Variants in ABI1 observed in about 807,000 individuals in gnomAD.
ABI1 encodes Abelson interactor 1.
Under a neutral mutation model 54.6 loss-of-function variants are expected in ABI1, and 14 were observed. The ratio of observed to expected loss-of-function variants is 0.26; its 90% CI spans 0.17 to 0.40. The LOEUF (loss-of-function observed/expected upper bound fraction) is 0.40, where lower values mean the gene tolerates loss of function less well. Among genes scored for constraint, ABI1 ranks in the 10% least tolerant of loss-of-function variants. The pLI, the probability that ABI1 is intolerant of heterozygous loss-of-function variation, is 1.00. For synonymous variants in ABI1, 194 were observed against 209.3 expected (o/e 0.93, Z 0.63); for missense variants, 443 against 598.3 (o/e 0.74, Z 2.71).
chr10:26,782,931 A>G (rs1398055253), intron 2 of ABI1, among the ~76,000 whole-genome samples: 1 of 152,204 alleles, frequency 6.6e-6, no homozygotes, highest in East Asian at 1.9e-4. Flanking sequence ...GTGATTCCTC[A>G]CAAAATTAAA....
rs748104171 is a variant in ABI1 at position 26,755,715 on chromosome 10, T to C, written c.1024A>G (p.Met342Val). 4.6e-5 allele frequency: 74 copies of C among 1,612,594 alleles called. No individual in the cohort carries two copies. The highest frequency in any genetic ancestry group is 1.2e-4 in the African/African-American group (9 of 74,718). The change falls in exon 9 of 11, where the codon ATG (methionine) becomes GTG (valine). Residue 342 changes from methionine (M) to valine (V), a missense_variant. By Grantham distance (21) the Met-to-Val change is conservative (BLOSUM62 1). Around this residue, in one of 2 missense-constraint regions of ABI1, gnomAD observed 394 missense variants for 484.8 expected, o/e 0.81. Transcript: ENST00000376140. ...GGTATCTGTGGAGTCAACTGAGGCA[T>C]AGGGGGAGGGGGTGGAGCAATAGAA... ...SISIAPPPPP[M>V]PQLTPQIPLT...
At chr10:26,808,065 C>G (rs560162350) in intron 2 of ABI1, among the ~76,000 whole-genome samples, 4 of 152,136 alleles carry the variant, frequency 2.6e-5, no homozygotes, top group Non-Finnish European at 5.9e-5. Context: ...GCACTCCAGC[C>G]TGGGCGTCAC....
Position 26,813,678 on chromosome 10 carries a change from G to A in ABI1, c.285+9460C>T, listed in dbSNP as rs773023583. On this transcript the variant is annotated intron_variant, in intron 2 of 10. Coordinates refer to ENST00000376140, the MANE Select transcript of ABI1 (RefSeq NM_001012750.3). ...TCAACCCAAACAACAAATCACAACA[G>A]AGTGAATGAAGAAGCAGACATGAGA... Among the ~76,000 whole-genome samples the A allele has an allele frequency of 3.9e-5, 6 of 151,940 alleles. 1 individual carries two copies. The highest frequency in any genetic ancestry group is 3.4e-3 in the Middle Eastern group (1 of 294).
intron 1 of ABI1, among the ~76,000 whole-genome samples, chr10:26,828,100 G>A (rs922514409): frequency 1.3e-5 from 2 of 152,124 alleles, no homozygotes; most frequent in African/African-American, 4.8e-5. Context: ...TCTTTCACTT[G>A]AACACTTAGA....
intron 1 of ABI1, among the ~76,000 whole-genome samples, chr10:26,823,842 C>G (rs1379607615): frequency 6.6e-6 from 1 of 152,048 alleles, no homozygotes; most frequent in Non-Finnish European, 1.5e-5. Flanking sequence ...CTATAGATAA[C>G]TCAGAAGGCA....
At chr10:26,785,092 T>TA (rs1160645868) in intron 2 of ABI1, among the ~76,000 whole-genome samples, 1 of 152,192 alleles carries the variant, frequency 6.6e-6, no homozygotes, top group Non-Finnish European at 1.5e-5. Flanking sequence ...ACAGTAACTG[T>TA]AATGAAATGT....
chr10:26,829,086 C>T (rs1415092490), intron 1 of ABI1, among the ~76,000 whole-genome samples: 2 of 152,084 alleles, frequency 1.3e-5, no homozygotes, highest in South Asian at 2.1e-4. Context: ...ATTAGCCGGG[C>T]GCAGTGGCAG....
intron 2 of ABI1, among the ~76,000 whole-genome samples, chr10:26,788,450 CT>C (rs1215045209): frequency 6.6e-6 from 1 of 152,172 alleles, no homozygotes; most frequent in Non-Finnish European, 1.5e-5. Context: ...CAATCTACAA[CT>C]CTGCAATTAA....
At chr10:26,846,681 C>CA (rs1010621608) in intron 1 of ABI1, among the ~76,000 whole-genome samples, 20 of 150,400 alleles carry the variant, frequency 1.3e-4, no homozygotes, top group East Asian at 3.9e-4. Flanking sequence ...CAGCCTCAGA[C>CA]AAAAAAAAAG....
intron 2 of ABI1, among the ~76,000 whole-genome samples, chr10:26,802,249 A>T (rs1219370933): frequency 2.0e-5 from 3 of 152,246 alleles, no homozygotes; most frequent in Admixed American, 6.5e-5. Context: ...TTTAAATGCC[A>T]TTAAAAGTAA....
At chr10:26,794,070 C>T (rs1843803551) in intron 2 of ABI1, among the ~76,000 whole-genome samples, 1 of 152,022 alleles carries the variant, frequency 6.6e-6, no homozygotes, top group Admixed American at 6.6e-5. Flanking sequence ...TGGTGAAACG[C>T]CATCTCTACC....
At chr10:26,763,823 G>C (rs1839546715) in intron 7 of ABI1, 1 of 1,471,618 alleles carries the variant, frequency 6.8e-7, no homozygotes, top group Non-Finnish European at 9.5e-7. Context: ...GCACAGAGGA[G>C]TTTATTATGA....
intron 2 of ABI1, among the ~76,000 whole-genome samples, chr10:26,819,211 C>G (rs1222063645): frequency 1.3e-5 from 2 of 148,498 alleles, no homozygotes; most frequent in African/African-American, 5.0e-5. Context: ...CAAATCAGCA[C>G]CCCCCCCAAA....
chr10:26,765,260 G>C lies in ABI1; in HGVS notation c.778C>G (p.Pro260Ala). The change falls in exon 7 of 11, where the codon CCC (proline) becomes GCC (alanine). Residue 260 changes from proline (P) to alanine (A), a missense_variant. By Grantham distance (27) the Pro-to-Ala change is conservative. This residue lies in a region of ABI1 where 394 missense variants were observed against 484.8 expected (regional missense o/e 0.81). Transcript: ENST00000376140. ...ENSGSSSIGI[P>A]IAVPTPSPPT... ...GGCGAAGGTGTAGGCACAGCAATGG[G>C]AATGCCAATACTACTGCTACCACTG... 1 of 1,604,160 alleles carries C rather than the reference G, an allele frequency of 6.2e-7. No homozygotes were observed.
At chr10:26,760,231 C>G (rs886318335) in intron 7 of ABI1, among the ~76,000 whole-genome samples, 1 of 152,084 alleles carries the variant, frequency 6.6e-6, no homozygotes, top group African/African-American at 2.4e-5. Context: ...AGTTCAAAGC[C>G]TCTAAAGTTA....
intron 1 of ABI1, among the ~76,000 whole-genome samples, chr10:26,827,756 G>C (rs543840520): frequency 1.3e-5 from 2 of 151,856 alleles, no homozygotes; most frequent in African/African-American, 4.8e-5. Flanking sequence ...CCATGCCCAG[G>C]TATTTTTTGT....
At chr10:26,775,110 A>G (rs1841217632) in intron 3 of ABI1, among the ~76,000 whole-genome samples, 1 of 152,198 alleles carries the variant, frequency 6.6e-6, no homozygotes, top group African/African-American at 2.4e-5. Flanking sequence ...TTGGCCTGGC[A>G]TGTGTTCATT....
chr10:26,854,673 T>C (rs1485593156), intron 1 of ABI1, among the ~76,000 whole-genome samples: 1 of 152,226 alleles, frequency 6.6e-6, no homozygotes, highest in African/African-American at 2.4e-5. Context: ...TGCTAGTCAC[T>C]GTTTTACTCA....
intron 1 of ABI1, among the ~76,000 whole-genome samples, chr10:26,838,741 C>G (rs1451798842): frequency 6.6e-6 from 1 of 152,118 alleles, no homozygotes; most frequent in African/African-American, 2.4e-5. Context: ...GACACATAAA[C>G]AAGAAAGACA....
Sources: allele counts gnomAD v4.1 joint callset (sites outside exome capture counted in the v4.1 genomes callset), GRCh38; gene constraint gnomAD v4.1.1; regional missense constraint gnomAD v4.1.1; transcripts MANE v1.5; gene names NCBI Gene and HGNC (gene_info 2026-07-23, HGNC 2026-07-21).